Variants in LAIR2 observed in about 807,000 individuals in gnomAD.
LAIR2 encodes leukocyte associated immunoglobulin like receptor 2, also known as leukocyte-associated immunoglobulin-like receptor 2.
Under a neutral mutation model 14.8 loss-of-function variants are expected in LAIR2, and 14 were observed. That is an observed-to-expected ratio of 0.95 (90% CI 0.62 to 1.48). The LOEUF is 1.48. LAIR2 is among the 40% of genes most tolerant of loss of function. LAIR2 has a pLI of 0.00. For missense variants in LAIR2, 172 were observed against 180.9 expected, an observed-to-expected ratio of 0.95 and a Z score of 0.28; for synonymous variants, 75 against 74.5, an observed-to-expected ratio of 1.01 and a Z score of -0.03.
At chr19:54,505,931 C>T (rs1161909576) in intron 2 of LAIR2, among the ~76,000 whole-genome samples, 3 of 151,372 alleles carry the variant, frequency 2.0e-5, no homozygotes, top group Non-Finnish European at 4.4e-5. Flanking sequence ...AAGCAATTCT[C>T]CCTGCCTCAA....
intron 2 of LAIR2, among the ~76,000 whole-genome samples, chr19:54,505,813 A>T (rs1600095569): frequency 6.8e-6 from 1 of 146,166 alleles, no homozygotes; most frequent in Non-Finnish European, 1.5e-5. Context: ...GGTTCTTCTC[A>T]CATGCTGATT....
chr19:54,503,474 G>T (rs2085311600), intron 1 of LAIR2, among the ~76,000 whole-genome samples: 1 of 151,820 alleles, frequency 6.6e-6, no homozygotes, highest in Non-Finnish European at 1.5e-5. Flanking sequence ...ACACCAAAAA[G>T]AAGGGCTGGG....
chr19:54,502,907 G>A lies in LAIR2; in HGVS notation c.-12G>A, dbSNP rs1168468179. 2 of 1,614,092 alleles carry A rather than the reference G, an allele frequency of 1.2e-6. No individual in the cohort carries two copies. The highest frequency in any genetic ancestry group is 1.7e-6 in the Non-Finnish European group (2 of 1,179,960). On this transcript the variant is annotated 5_prime_UTR_variant, in exon 1 of 5. Transcript: ENST00000301202. ...CTGCTTGTGTCTGCTGCAGAGTTCTGGGACCGGGGCCATGTCTCCACACCT... is the reference window on the plus strand; with the variant it reads ...CTGCTTGTGTCTGCTGCAGAGTTCTAGGACCGGGGCCATGTCTCCACACCT...
At chr19:54,503,465 C>CA (rs1436270042) in intron 1 of LAIR2, among the ~76,000 whole-genome samples, 1 of 150,972 alleles carries the variant, frequency 6.6e-6, no homozygotes, top group Non-Finnish European at 1.5e-5. Context: ...TCTCCAACAA[C>CA]ACCAAAAAGA....
rs758531671 is a variant in LAIR2, at chr19:54,502,871, G to A, written c.-48G>A. ...CCCACGGGCAGGAGGCCCCCGGCCA[G>A]CACATCCTGTCTGCTTGTGTCTGCT... On this transcript the variant is annotated 5_prime_UTR_variant, in exon 1 of 5. Coordinates refer to ENST00000301202, the MANE Select transcript of LAIR2 (RefSeq NM_002288.6). 6.8e-6 allele frequency: 11 copies of A among 1,613,142 alleles called. No individual in the cohort carries two copies. In the East Asian group the frequency reaches 2.2e-4, roughly 33 times the overall value.
chr19:54,505,102 A>G (rs1482607423), intron 2 of LAIR2, among the ~76,000 whole-genome samples: 3 of 152,152 alleles, frequency 2.0e-5, no homozygotes, highest in Non-Finnish European at 4.4e-5. Context: ...TGGTGGTTAT[A>G]TAACTCAGGT....
intron 2 of LAIR2, among the ~76,000 whole-genome samples, chr19:54,504,857 A>G (rs59508209): frequency 0.018 from 2,727 of 152,022 alleles, 82 homozygotes; most frequent in African/African-American, 0.061. Context: ...TGATCCACCC[A>G]CCTCGGCCAC....
In LAIR2 at chr19:54,507,931, T is replaced by A. The variant is rs752139390; in HGVS notation, c.111T>A (p.Thr37=). Residue 37 remains threonine, a synonymous_variant, in exon 3 of 5, where the codon ACT becomes ACA. Coordinates refer to ENST00000301202, the MANE Select transcript of LAIR2 (RefSeq NM_002288.6). ...CCTCCATCTCGGCTGAGCCAGGCAC[T>A]GTGATCTCCCCGGGGAGCCATGTGA... ...PRPSISAEPG[T]VISPGSHVTF... is the part of the protein sequence containing the mutation. 6.2e-7 allele frequency: 1 copy of A among 1,614,126 alleles called. No individual in the cohort carries two copies. Among genetic ancestry groups the A allele is most frequent in the African/African-American group, 1.3e-5 (1 of 75,024 alleles).
intron 3 of LAIR2, among the ~76,000 whole-genome samples, chr19:54,508,397 C>T (rs2277972): frequency 0.43 from 64,737 of 152,016 alleles, 14,374 homozygotes; most frequent in South Asian, 0.48. Flanking sequence ...CTCCTCTGGA[C>T]GCCACAGATG....
chr19:54,509,802 G>A (rs538985085), intron 4 of LAIR2, among the ~76,000 whole-genome samples: 1 of 151,678 alleles, frequency 6.6e-6, no homozygotes, highest in Admixed American at 6.6e-5. Flanking sequence ...TGTGATGGGA[G>A]TGAAGCTGCC....
intron 2 of LAIR2, among the ~76,000 whole-genome samples, chr19:54,506,055 C>T (rs1244716386): frequency 1.3e-5 from 2 of 152,094 alleles, no homozygotes; most frequent in Non-Finnish European, 2.9e-5. Context: ...GAACTCCTGA[C>T]CTCAGGTGAG....
chr19:54,504,519 T>G (rs868001082), intron 2 of LAIR2, among the ~76,000 whole-genome samples: 1 of 152,166 alleles, frequency 6.6e-6, no homozygotes, highest in African/African-American at 2.4e-5. Flanking sequence ...ACCGAAACTT[T>G]GTACCATTTG....
At position 54,502,917 on chromosome 19, in the gene LAIR2, C is replaced by T. The variant is rs373693421; in HGVS notation, c.-2C>T. The T allele has an allele frequency of 3.7e-5, 59 of 1,614,024 alleles. No homozygotes were observed. The African/African-American group carries it at 7.9e-4, about 22-fold the overall frequency. On this transcript the variant is annotated 5_prime_UTR_variant, in exon 1 of 5. Transcript: ENST00000301202. ...CTGCTGCAGAGTTCTGGGACCGGGG[C>T]CATGTCTCCACACCTCACTGCTCTC...
At position 54,502,894 on chromosome 19, in the gene LAIR2, G is replaced by C. The variant is rs1258022104; in HGVS notation, c.-25G>C. On this transcript the variant is annotated 5_prime_UTR_variant, in exon 1 of 5. Transcript: ENST00000301202. ...CAGCACATCCTGTCTGCTTGTGTCT[G>C]CTGCAGAGTTCTGGGACCGGGGCCA... 1 of 1,614,074 alleles carries C rather than the reference G, an allele frequency of 6.2e-7. No individual in the cohort carries two copies. Among genetic ancestry groups the C allele is most frequent in the East Asian group, 2.2e-5 (1 of 44,876 alleles).
At chr19:54,504,371 T>C (rs1313567802) in intron 2 of LAIR2, among the ~76,000 whole-genome samples, 6 of 152,122 alleles carry the variant, frequency 3.9e-5, no homozygotes, top group African/African-American at 1.4e-4. Context: ...CTAAATAACA[T>C]ATCAATCACA....
At chr19:54,509,277 C>A (rs552204217) in intron 4 of LAIR2, among the ~76,000 whole-genome samples, 192 bp downstream of exon 4, 3 of 148,554 alleles carry the variant, frequency 2.0e-5, no homozygotes, top group African/African-American at 7.7e-5. Flanking sequence ...ACAGTGATTG[C>A]AACCTTGTTC....
In LAIR2 at chr19:54,502,898, C is replaced by T; in HGVS notation, c.-21C>T. On this transcript the variant is annotated 5_prime_UTR_variant, in exon 1 of 5. Transcript: ENST00000301202. ...ACATCCTGTCTGCTTGTGTCTGCTG[C>T]AGAGTTCTGGGACCGGGGCCATGTC... 1 of 1,614,088 alleles carries T rather than the reference C, an allele frequency of 6.2e-7. No individual in the cohort carries two copies. Among genetic ancestry groups the T allele is most frequent in the Non-Finnish European group, 8.5e-7 (1 of 1,179,972 alleles).
At chr19:54,503,007 G>A (rs537490283) in intron 1 of LAIR2, 55 bp downstream of exon 1, 147 of 1,539,418 alleles carry the variant, frequency 9.5e-5, no homozygotes, top group East Asian at 3.2e-4. Context: ...GGTCTGGAAA[G>A]TTCCCTGCTC....
rs151276812 is a variant in LAIR2, at chr19:54,503,710, G to A, written c.45G>A (p.Leu15=). The A allele has an allele frequency of 1.2e-4, 186 of 1,613,848 alleles. No homozygotes were observed. Among genetic ancestry groups the A allele is most frequent in the Non-Finnish European group, 1.6e-5 (19 of 1,179,976 alleles). The stretch of plus-strand genomic sequence containing the variant: ...GGGCTTCTCTTCCAGTGCTCTGCCT[G>A]GCCCAGACCATCCACACGCAGGAGG... ...LTALLGLVLC[L]AQTIHTQEGA... Residue 15 remains leucine, a synonymous_variant, in exon 2 of 5, where the codon CTG becomes CTA. Coordinates refer to ENST00000301202, the MANE Select transcript of LAIR2 (RefSeq NM_002288.6).
Sources: gnomAD v4.1 joint callset for allele counts (sites outside exome capture counted in the v4.1 genomes callset) on GRCh38, gnomAD v4.1.1 for gene constraint, MANE v1.5 for transcripts, NCBI Gene and HGNC (gene_info 2026-07-23, HGNC 2026-07-21) for gene names.